The following DLGAP1 variants were observed in gnomAD, a reference collection of about 807,000 sequenced individuals.
DLGAP1 encodes the protein DLG associated protein 1, also known as disks large-associated protein 1.
DLGAP1 carries 11 observed loss-of-function variants against 90.8 expected under a neutral mutation model. The observed-to-expected ratio is 0.12, with a 90% CI of 0.08 to 0.20. DLGAP1 has a LOEUF of 0.20. Ranked by LOEUF, DLGAP1 falls within the 10% of genes least tolerant of loss-of-function variation. The pLI, the probability that DLGAP1 is intolerant of heterozygous loss-of-function variation, is 1.00. For synonymous variants in DLGAP1, 558 were observed against 540.7 expected (o/e 1.03, Z -0.44); for missense variants, 1,050 against 1,333.8 (o/e 0.79, Z 3.31).
chr18:4,172,498 CTCTTCT>C (rs1195215923), intron 1 of DLGAP1, among the ~76,000 whole-genome samples: 21 of 152,298 alleles, frequency 1.4e-4, no homozygotes, highest in Admixed American at 6.5e-4. Flanking sequence ...AGTAAGTTTT[CTCTTCT>C]AAGGAGAGAA....
chr18:3,972,753 C>A (rs1348902569), intron 3 of DLGAP1, among the ~76,000 whole-genome samples: 2 of 152,170 alleles, frequency 1.3e-5, no homozygotes, highest in African/African-American at 4.8e-5. Context: ...CAACATGACA[C>A]CTCAGGGAGG....
intron 2 of DLGAP1, among the ~76,000 whole-genome samples, chr18:4,081,292 G>A (rs1403617293): frequency 6.7e-6 from 1 of 150,040 alleles, no homozygotes; most frequent in Non-Finnish European, 1.5e-5. Flanking sequence ...TCCAGCCTGG[G>A]CAAAAGGAGT....
intron 1 of DLGAP1, among the ~76,000 whole-genome samples, chr18:4,306,081 G>GGA (rs142976459): frequency 0.019 from 2,799 of 143,724 alleles, 80 homozygotes; most frequent in African/African-American, 0.063. Context: ...AGAGGGGGGC[G>GGA]GAGAGAGAGA....
chr18:3,621,827 G>A (rs2058104713), intron 7 of DLGAP1, among the ~76,000 whole-genome samples: 1 of 152,112 alleles, frequency 6.6e-6, no homozygotes, highest in Admixed American at 6.5e-5. Context: ...AATTAGCTGG[G>A]CATGGTGGCA....
chr18:3,972,181 T>TA (rs1272949977), intron 3 of DLGAP1, among the ~76,000 whole-genome samples: 1 of 151,912 alleles, frequency 6.6e-6, no homozygotes, highest in Admixed American at 6.6e-5. Flanking sequence ...ATACCTCTTA[T>TA]AAAAAATACA....
At chr18:4,043,425 A>G (rs2149153151) in intron 2 of DLGAP1, among the ~76,000 whole-genome samples, 1 of 152,316 alleles carries the variant, frequency 6.6e-6, no homozygotes, top group South Asian at 2.1e-4. Flanking sequence ...ACTAGCATTT[A>G]TTTATATTAA....
intron 1 of DLGAP1, among the ~76,000 whole-genome samples, chr18:4,282,775 T>C (rs2079584729): frequency 6.6e-6 from 1 of 152,210 alleles, no homozygotes; most frequent in Non-Finnish European, 1.5e-5. Flanking sequence ...GAGCCTGCTT[T>C]ACCAGTTACG....
At chr18:3,744,324 A>G (rs958596607) in intron 5 of DLGAP1, among the ~76,000 whole-genome samples, 2 of 152,186 alleles carry the variant, frequency 1.3e-5, no homozygotes, top group Non-Finnish European at 2.9e-5. Context: ...AACATCAAAT[A>G]AAATTTTAAT....
intron 7 of DLGAP1, among the ~76,000 whole-genome samples, chr18:3,584,558 T>A (rs1330832778): frequency 2.0e-5 from 3 of 152,234 alleles, no homozygotes; most frequent in African/African-American, 7.2e-5. Context: ...TGTTTGGCTA[T>A]TTCCCAGGGA....
At chr18:4,425,099 C>G (rs1309936520) in intron 1 of DLGAP1, among the ~76,000 whole-genome samples, 1 of 151,770 alleles carries the variant, frequency 6.6e-6, no homozygotes, top group East Asian at 1.9e-4. Flanking sequence ...TTTTTATTTT[C>G]TTTCCTTTTT....
At chr18:3,772,392 CTTTCTTT>C (rs1568109574) in intron 5 of DLGAP1, among the ~76,000 whole-genome samples, 1 of 42,806 alleles carries the variant, frequency 2.3e-5, no homozygotes, top group African/African-American at 7.4e-5. Context: ...TTCTTTCTTT[CTTTCTTT>C]CTTTCTTTCT....
chr18:3,776,039 C>T (rs2064924493), intron 5 of DLGAP1, among the ~76,000 whole-genome samples: 1 of 152,144 alleles, frequency 6.6e-6, no homozygotes, highest in African/African-American at 2.4e-5. Flanking sequence ...CTGTCAGCTT[C>T]TGTGAGTTTC....
At chr18:3,611,522 C>T (rs2057626804) in intron 7 of DLGAP1, among the ~76,000 whole-genome samples, 1 of 152,152 alleles carries the variant, frequency 6.6e-6, no homozygotes, top group Non-Finnish European at 1.5e-5. Flanking sequence ...ATGACCAAGG[C>T]CCCACGAAGT....
intron 8 of DLGAP1, among the ~76,000 whole-genome samples, chr18:3,574,297 G>A (rs1256073901): frequency 6.6e-6 from 1 of 151,986 alleles, no homozygotes; most frequent in African/African-American, 2.4e-5. Context: ...TTTGTAAATT[G>A]AGTGTTTACT....
At chr18:3,569,836 T>C (rs500214) in intron 8 of DLGAP1, among the ~76,000 whole-genome samples, 76,847 of 151,728 alleles carry the variant, frequency 0.51, 20,518 homozygotes, top group East Asian at 0.99. Flanking sequence ...ATAGGCATTC[T>C]CATATACAGT....
intron 2 of DLGAP1, among the ~76,000 whole-genome samples, chr18:4,059,269 CT>C (rs1405002141): frequency 2.0e-5 from 3 of 152,014 alleles, no homozygotes; most frequent in African/African-American, 4.8e-5. Flanking sequence ...GTTCCTTTTC[CT>C]TTTTTTTCTC....
chr18:3,949,193 C>A (rs576212651), intron 3 of DLGAP1, among the ~76,000 whole-genome samples: 105 of 152,280 alleles, frequency 6.9e-4, no homozygotes, highest in Non-Finnish European at 1.3e-3. Context: ...CTCTTTCTTG[C>A]CCTTACCAAA....
intron 1 of DLGAP1, among the ~76,000 whole-genome samples, chr18:4,341,018 T>A (rs889936872): frequency 5.9e-5 from 9 of 152,152 alleles, no homozygotes; most frequent in African/African-American, 2.2e-4. Context: ...ACATATGAAA[T>A]AATGCTAGTT....
chr18:3,726,455 G>A (rs2062183554), intron 7 of DLGAP1, among the ~76,000 whole-genome samples: 1 of 94,252 alleles, frequency 1.1e-5, no homozygotes. Context: ...GTGTGTGTGT[G>A]AGAGAGAGAG....
Sources: gnomAD v4.1 joint callset for allele counts (sites outside exome capture counted in the v4.1 genomes callset) on GRCh38, gnomAD v4.1.1 for gene constraint, MANE v1.5 for transcripts, NCBI Gene and HGNC (gene_info 2026-07-23, HGNC 2026-07-21) for gene names.